The following CHSY3 variants were observed in gnomAD, a reference collection of about 807,000 sequenced individuals.
CHSY3 encodes the protein chondroitin sulfate synthase 3, also known as N-acetylgalactosaminyl-proteoglycan 3-beta-glucuronosyltransferase 3.
CHSY3 carries 35 observed loss-of-function variants against 67.2 expected under a neutral mutation model. The observed-to-expected ratio is 0.52, with a 90% confidence interval of 0.40 to 0.69. The LOEUF (loss-of-function observed/expected upper bound fraction) is 0.69. Among genes scored for constraint, CHSY3 ranks in the 30% least tolerant of loss-of-function variants. The probability of loss-of-function intolerance (pLI) is 0.00; values close to 1 mark genes in which losing one functional copy is unlikely to be tolerated. For missense variants in CHSY3, 1,069 were observed against 1,138.5 expected (o/e 0.94, Z 0.88); for synonymous variants, 474 against 434.7 (o/e 1.09, Z -1.12).
At chr5:130,157,482 C>G (rs747234619) in intron 2 of CHSY3, among the ~76,000 whole-genome samples, 2 of 152,146 alleles carry the variant, frequency 1.3e-5, no homozygotes, top group Non-Finnish European at 2.9e-5. Flanking sequence ...GGAATAAAAC[C>G]TGAGTTTGGC....
intron 2 of CHSY3, among the ~76,000 whole-genome samples, chr5:130,179,901 T>C (rs1479665351): frequency 6.6e-6 from 1 of 152,316 alleles, no homozygotes; most frequent in South Asian, 2.1e-4. Context: ...AGAAAAGACA[T>C]AGATTTTCTC....
intron 2 of CHSY3, among the ~76,000 whole-genome samples, chr5:129,968,299 AT>A (rs1030900299): frequency 6.6e-6 from 1 of 151,858 alleles, no homozygotes; most frequent in Non-Finnish European, 1.5e-5. Context: ...TGTAGCTAAC[AT>A]TTTTTAAATT....
chr5:130,005,294 A>G (rs1447826553), intron 2 of CHSY3, among the ~76,000 whole-genome samples: 1 of 152,118 alleles, frequency 6.6e-6, no homozygotes, highest in Non-Finnish European at 1.5e-5. Context: ...ATGAGCCTGT[A>G]GTCCCAGCTA....
At position 130,033,587 on chromosome 5, in the gene CHSY3, C is replaced by T. The variant is rs371380247; in HGVS notation, c.1086+125227C>T. On this transcript the variant is annotated intron_variant, in intron 2 of 2. Coordinates refer to ENST00000305031, the MANE Select transcript of CHSY3 (RefSeq NM_175856.5). ...CTGATTTGGAAGACACTCCCAGGAA[C>T]TGTATTTACAAACTCTATGTATTTT... 7.2e-5 allele frequency among the ~76,000 whole-genome samples: 11 copies of T among 152,282 alleles called. No homozygotes were observed. In the South Asian group the frequency reaches 2.3e-3, roughly 32 times the overall value.
intron 2 of CHSY3, among the ~76,000 whole-genome samples, chr5:129,929,994 A>G (rs1761244572): frequency 6.6e-6 from 1 of 152,168 alleles, no homozygotes; most frequent in Non-Finnish European, 1.5e-5. Flanking sequence ...ACATCAGAGT[A>G]TACCTGAATG....
At chr5:129,950,734 G>A (rs1448187252) in intron 2 of CHSY3, among the ~76,000 whole-genome samples, 5 of 152,054 alleles carry the variant, frequency 3.3e-5, no homozygotes, top group Admixed American at 2.6e-4. Flanking sequence ...ACTGAAAACT[G>A]TAAAATATTG....
intron 2 of CHSY3, among the ~76,000 whole-genome samples, chr5:130,061,808 C>T (rs573045139): frequency 1.3e-5 from 2 of 152,070 alleles, no homozygotes; most frequent in African/African-American, 4.8e-5. Flanking sequence ...CAATGTTCAA[C>T]ATTGCTGATC....
intron 2 of CHSY3, among the ~76,000 whole-genome samples, chr5:130,138,152 G>T (rs1251202046): frequency 6.6e-6 from 1 of 152,150 alleles, no homozygotes; most frequent in Non-Finnish European, 1.5e-5. Flanking sequence ...ACCAATCCCT[G>T]CTACAGATGT....
chr5:130,001,401 G>C, intron 2 of CHSY3: 1 of 891,134 alleles, frequency 1.1e-6, no homozygotes, highest in Non-Finnish European at 1.3e-6. Flanking sequence ...TTCCTCCAGA[G>C]TTAGTAGGCT....
intron 2 of CHSY3, among the ~76,000 whole-genome samples, chr5:130,108,585 A>G (rs890754688): frequency 6.6e-6 from 1 of 151,736 alleles, no homozygotes; most frequent in African/African-American, 2.4e-5. Flanking sequence ...AAAAAGTTAT[A>G]TTATCATAAA....
chr5:130,149,400 G>A (rs1769169126), intron 2 of CHSY3, among the ~76,000 whole-genome samples: 1 of 152,168 alleles, frequency 6.6e-6, no homozygotes, highest in Non-Finnish European at 1.5e-5. Context: ...GGCAAAGCAG[G>A]AGGTTGTACA....
chr5:130,155,507 C>G (rs1327701780), intron 2 of CHSY3, among the ~76,000 whole-genome samples: 1 of 152,196 alleles, frequency 6.6e-6, no homozygotes, highest in African/African-American at 2.4e-5. Flanking sequence ...CGTTTCTTTT[C>G]CTCTACTGAG....
Position 130,161,322 on chromosome 5 carries a change from G to A in CHSY3, c.1087-22907G>A, listed in dbSNP as rs527370582. On this transcript the variant is annotated intron_variant, in intron 2 of 2. Coordinates refer to ENST00000305031, the MANE Select transcript of CHSY3 (RefSeq NM_175856.5). ...GTGTAGTGCTCTTTCTGGATTGTTC[G>A]TTCTATTCTACTGATCTATTTATCT... Among the ~76,000 whole-genome samples the A allele has an allele frequency of 3.9e-4, 60 of 152,104 alleles. 1 individual carries two copies. The South Asian group carries it at 8.1e-3, about 21-fold the overall frequency.
intron 2 of CHSY3, among the ~76,000 whole-genome samples, chr5:129,929,013 T>C (rs1464106817): frequency 3.3e-5 from 5 of 152,216 alleles, no homozygotes; most frequent in Non-Finnish European, 7.4e-5. Flanking sequence ...CTCACAATGT[T>C]ACACTGAAAT....
intron 2 of CHSY3, among the ~76,000 whole-genome samples, chr5:129,978,568 A>G (rs1762878280): frequency 6.6e-6 from 1 of 152,186 alleles, no homozygotes; most frequent in African/African-American, 2.4e-5. Flanking sequence ...TACAAAGATG[A>G]ATTACAAACA....
Position 130,091,343 on chromosome 5 carries a change from T to C in CHSY3, c.1087-92886T>C, listed in dbSNP as rs137920027. Among the ~76,000 whole-genome samples the C allele has an allele frequency of 3.2e-3, 484 of 152,352 alleles. 2 individuals carry two copies. Among genetic ancestry groups the C allele is most frequent in the South Asian group, 0.01 (50 of 4,832 alleles). On this transcript the variant is annotated intron_variant, in intron 2 of 2. Transcript: ENST00000305031. ...TCTTTTGTGGCGTTTTGTTTCCAGT[T>C]GTACCATTGTGATTCTAAATGTAAA... is the stretch of plus-strand genomic sequence containing the variant.
chr5:130,140,366 A>G (rs2149718853), intron 2 of CHSY3: 2 of 613,258 alleles, frequency 3.3e-6, no homozygotes, highest in African/African-American at 3.8e-5. Context: ...AAAAGCTTCT[A>G]TCCAGAGGAA....
chr5:129,963,817 GA>G (rs1435410708), intron 2 of CHSY3, among the ~76,000 whole-genome samples: 1 of 151,242 alleles, frequency 6.6e-6, no homozygotes. Flanking sequence ...TTAAGAGTTT[GA>G]AAAAACCCCA....
At chr5:130,150,110 CT>C (rs750150307) in intron 2 of CHSY3, among the ~76,000 whole-genome samples, 5 of 152,030 alleles carry the variant, frequency 3.3e-5, no homozygotes, top group African/African-American at 9.7e-5. Context: ...GTATTTATTA[CT>C]TTTTTTCACA....
Sources: gnomAD v4.1 joint callset for allele counts (sites outside exome capture counted in the v4.1 genomes callset) on GRCh38, gnomAD v4.1.1 for gene constraint, MANE v1.5 for transcripts, NCBI Gene and HGNC (gene_info 2026-07-23, HGNC 2026-07-21) for gene names.